Variants in OTUD7A observed in about 807,000 individuals in gnomAD.
OTUD7A encodes OTU domain-containing protein 7A.
In OTUD7A, 12 loss-of-function variants were observed where a neutral mutation model predicts 65.7. The ratio of observed to expected loss-of-function variants is 0.18; its 90% CI spans 0.12 to 0.30. The LOEUF is 0.30. OTUD7A is among the 10% of genes least tolerant of loss of function. The pLI is 1.00. For missense variants in OTUD7A, 1,148 were observed against 1,304.8 expected (o/e 0.88, Z 1.85); for synonymous variants, 641 against 586.3 (o/e 1.09, Z -1.35).
chr15:31,554,838 T>C (rs1888439260), intron 5 of OTUD7A, among the ~76,000 whole-genome samples: 1 of 152,188 alleles, frequency 6.6e-6, no homozygotes, highest in Non-Finnish European at 1.5e-5. Flanking sequence ...GCCTTCTCAA[T>C]GGCAGGCTAG....
chr15:31,755,711 G>C lies in OTUD7A; in HGVS notation c.-99-98634C>G, dbSNP rs1283279079. Among the ~76,000 whole-genome samples the C allele has an allele frequency of 2.0e-5, 3 of 148,436 alleles. No homozygotes were observed. In the East Asian group the frequency reaches 5.9e-4, roughly 29 times the overall value. ...CACTTCAGCCTGGGAGACAGAGCGA[G>C]ACTCTGTCTCAAAAAAAAAAAAAAG... On this transcript the variant is annotated intron_variant, in intron 1 of 12. Transcript: ENST00000307050.
intron 3 of OTUD7A, among the ~76,000 whole-genome samples, chr15:31,592,868 A>G (rs1216607882): frequency 1.0e-5 from 1 of 100,360 alleles, no homozygotes. Flanking sequence ...TGACAGAGCA[A>G]GGCTCTGTCT....
chr15:31,844,873 C>T (rs1262252806), intron 1 of OTUD7A, among the ~76,000 whole-genome samples: 1 of 152,182 alleles, frequency 6.6e-6, no homozygotes, highest in Non-Finnish European at 1.5e-5. Context: ...CACTCAGGGC[C>T]CTGCTTACTG....
chr15:31,555,568 C>CAGG (rs1888462302), intron 5 of OTUD7A, among the ~76,000 whole-genome samples: 1 of 152,148 alleles, frequency 6.6e-6, no homozygotes, highest in African/African-American at 2.4e-5. Flanking sequence ...GTGGAAGGTA[C>CAGG]AGGAGCTGCC....
intron 1 of OTUD7A, among the ~76,000 whole-genome samples, chr15:31,709,895 TAAAGAAAAC>T (rs1893398595): frequency 1.3e-5 from 2 of 151,920 alleles, no homozygotes; most frequent in Admixed American, 6.5e-5. Context: ...TATTGTTAAC[TAAAGAAAAC>T]AAGTTGCAGA....
chr15:31,511,707 C>T (rs12914061), intron 8 of OTUD7A, among the ~76,000 whole-genome samples: 3,781 of 6,836 alleles, frequency 0.55, 1,658 homozygotes, highest in East Asian at 0.88. Context: ...ATATGTAACA[C>T]ACATATATAT....
At chr15:31,657,610 C>T (rs1016304234) in intron 1 of OTUD7A, among the ~76,000 whole-genome samples, 2 of 151,986 alleles carry the variant, frequency 1.3e-5, no homozygotes, top group African/African-American at 4.8e-5. Context: ...ATCCGCTCAC[C>T]TCAGCCTCCC....
chr15:31,541,514 G>C (rs561114778), intron 5 of OTUD7A, among the ~76,000 whole-genome samples: 1 of 152,282 alleles, frequency 6.6e-6, no homozygotes, highest in Admixed American at 6.5e-5. Flanking sequence ...CGTTTGAAAA[G>C]AGAAATCCCT....
chr15:31,764,815 T>C (rs1380924044), intron 1 of OTUD7A, among the ~76,000 whole-genome samples: 1 of 152,158 alleles, frequency 6.6e-6, no homozygotes, highest in Admixed American at 6.5e-5. Flanking sequence ...GAGTCTAACG[T>C]GCACCAGTTT....
chr15:31,737,952 T>G (rs1473429682), intron 1 of OTUD7A, among the ~76,000 whole-genome samples: 1 of 152,216 alleles, frequency 6.6e-6, no homozygotes, highest in Non-Finnish European at 1.5e-5. Flanking sequence ...CATAAATGTA[T>G]AGGTGTAGCT....
intron 3 of OTUD7A, among the ~76,000 whole-genome samples, chr15:31,651,984 AGTTC>A: frequency 7.1e-6 from 1 of 141,380 alleles, no homozygotes. Flanking sequence ...CAGATCCTAA[AGTTC>A]ACATAGAAAG....
intron 8 of OTUD7A, 125 bp from the exon 9 acceptor site, chr15:31,503,943 C>T: frequency 8.6e-7 from 1 of 1,166,634 alleles, no homozygotes; most frequent in Non-Finnish European, 1.2e-6. Flanking sequence ...TGGACCCCGG[C>T]AGCTGCGCCA....
At chr15:31,738,036 T>G (rs961256439) in intron 1 of OTUD7A, among the ~76,000 whole-genome samples, 3 of 152,252 alleles carry the variant, frequency 2.0e-5, no homozygotes, top group Non-Finnish European at 4.4e-5. Flanking sequence ...TTTTAGCTTC[T>G]TTTCATTGTT....
In OTUD7A at chr15:31,503,687, T is replaced by A; in HGVS notation, c.1021+4A>T. 2 of 1,614,200 alleles carry A rather than the reference T, an allele frequency of 1.2e-6. No individual in the cohort carries two copies. The highest frequency in any genetic ancestry group is 1.7e-6 in the Non-Finnish European group (2 of 1,180,044). ...AATACAACACATCTCTTTGAGGAAC[T>A]TACCTTCTCCACCTGAGTCTCTTAA... On this transcript the variant is annotated splice_donor_region_variant and intron_variant, in intron 9 of 12. Transcript: ENST00000307050.
chr15:31,852,825 C>T (rs79701305), intron 1 of OTUD7A, among the ~76,000 whole-genome samples: 2,326 of 152,334 alleles, frequency 0.015, 66 homozygotes, highest in African/African-American at 0.053. Flanking sequence ...ATATTCATTA[C>T]ATTAATGATT....
intron 3 of OTUD7A, among the ~76,000 whole-genome samples, chr15:31,595,117 T>C (rs1889863811): frequency 6.6e-6 from 1 of 152,150 alleles, no homozygotes; most frequent in Non-Finnish European, 1.5e-5. Context: ...TCTTGGTCAT[T>C]AGAACATCAC....
chr15:31,600,993 T>C (rs1249339190), intron 3 of OTUD7A, among the ~76,000 whole-genome samples: 2 of 152,006 alleles, frequency 1.3e-5, no homozygotes, highest in Non-Finnish European at 2.9e-5. Context: ...AGACTCAGAC[T>C]CCCACACAAT....
At chr15:31,605,443 A>G (rs1406440914) in intron 3 of OTUD7A, among the ~76,000 whole-genome samples, 1 of 152,060 alleles carries the variant, frequency 6.6e-6, no homozygotes, top group Admixed American at 6.6e-5. Flanking sequence ...CTGAAACATC[A>G]CCCTGGGCCC....
intron 1 of OTUD7A, among the ~76,000 whole-genome samples, chr15:31,686,007 CG>C (rs1892828072): frequency 6.6e-6 from 1 of 152,124 alleles, no homozygotes; most frequent in Admixed American, 6.5e-5. Context: ...TGCCATCTCA[CG>C]GGGGACTGTG....
Sources: allele counts gnomAD v4.1 joint callset (sites outside exome capture counted in the v4.1 genomes callset), GRCh38; gene constraint gnomAD v4.1.1; transcripts MANE v1.5; gene names NCBI Gene and HGNC (gene_info 2026-07-23, HGNC 2026-07-21).